Variants in KCTD3 observed in about 807,000 individuals in gnomAD.
KCTD3 encodes BTB/POZ domain-containing protein KCTD3.
KCTD3 carries 41 observed loss-of-function variants against 85.8 expected under a neutral mutation model. The observed-to-expected ratio is 0.48, with a 90% CI of 0.37 to 0.62. The LOEUF is 0.62. Among genes scored for constraint, KCTD3 ranks in the 20% least tolerant of loss-of-function variants. The pLI is 0.00. For missense variants in KCTD3, 724 were observed against 989.9 expected (o/e 0.73, Z 3.60); for synonymous variants, 338 against 345.4 (o/e 0.98, Z 0.24).
At chr1:215,614,656 TG>T (rs1655364022) in intron 15 of KCTD3, among the ~76,000 whole-genome samples, 1 of 152,332 alleles carries the variant, frequency 6.6e-6, no homozygotes, top group South Asian at 2.1e-4. Flanking sequence ...TACTGATTTT[TG>T]TACATTGATT....
chr1:215,582,283 AG>A (rs919143602), intron 8 of KCTD3, among the ~76,000 whole-genome samples: 1 of 152,108 alleles, frequency 6.6e-6, no homozygotes, highest in African/African-American at 2.4e-5. Flanking sequence ...TCTGTTTTTC[AG>A]TTCTCTCATT....
chr1:215,573,654 A>G (rs1405055818), intron 1 of KCTD3, 132 bp from the exon 2 acceptor site: 2 of 546,650 alleles, frequency 3.7e-6, no homozygotes, highest in Non-Finnish European at 6.6e-6. Flanking sequence ...ATTAACTGTA[A>G]TAAATATATT....
At chr1:215,576,445 C>T (rs1659587230) in intron 4 of KCTD3, among the ~76,000 whole-genome samples, 1 of 151,860 alleles carries the variant, frequency 6.6e-6, no homozygotes, top group Non-Finnish European at 1.5e-5. Context: ...GTGGTACACG[C>T]CTATAATCCC....
At chr1:215,585,650 CATT>C (rs1659979714) in intron 8 of KCTD3, among the ~76,000 whole-genome samples, 1 of 152,132 alleles carries the variant, frequency 6.6e-6, no homozygotes, top group South Asian at 2.1e-4. Flanking sequence ...TCAACTCATT[CATT>C]ATTATGATTA....
intron 14 of KCTD3, among the ~76,000 whole-genome samples, chr1:215,610,368 A>G (rs1411647945): frequency 6.6e-6 from 1 of 151,900 alleles, no homozygotes; most frequent in Non-Finnish European, 1.5e-5. Flanking sequence ...CATTAAAGTT[A>G]AGAAAGACCT....
intron 10 of KCTD3, among the ~76,000 whole-genome samples, chr1:215,596,881 C>T (rs1660433149): frequency 6.6e-6 from 1 of 152,078 alleles, no homozygotes; most frequent in Non-Finnish European, 1.5e-5. Flanking sequence ...TTTCCGGTCC[C>T]ATAAAAGTCA....
chr1:215,589,587 A>C (rs936800679), intron 9 of KCTD3, among the ~76,000 whole-genome samples: 1 of 152,228 alleles, frequency 6.6e-6, no homozygotes, highest in African/African-American at 2.4e-5. Context: ...AGATTCCCAG[A>C]AGGAAAGAAG....
intron 17 of KCTD3, among the ~76,000 whole-genome samples, 154 bp downstream of exon 17, chr1:215,619,445 A>G (rs1003333035): frequency 6.6e-6 from 1 of 152,202 alleles, no homozygotes; most frequent in Middle Eastern, 3.2e-3. Flanking sequence ...GTTTTACCAA[A>G]TTTCTTGATA....
intron 10 of KCTD3, among the ~76,000 whole-genome samples, chr1:215,601,010 T>C (rs1412760092): frequency 6.6e-6 from 1 of 151,860 alleles, no homozygotes; most frequent in Admixed American, 6.6e-5. Context: ...CAATCCCCGC[T>C]CACCGCAACC....
intron 1 of KCTD3, among the ~76,000 whole-genome samples, chr1:215,569,347 C>G (rs1325828931): frequency 2.0e-5 from 3 of 152,014 alleles, no homozygotes; most frequent in African/African-American, 2.4e-5. Context: ...TCTTGATCTC[C>G]TGACCTCGTG....
At chr1:215,577,956 C>T (rs1375276752) in intron 5 of KCTD3, 45 bp from the exon 6 acceptor site, 3 of 1,584,236 alleles carry the variant, frequency 1.9e-6, no homozygotes, top group African/African-American at 2.7e-5. Flanking sequence ...TACTGTTTTT[C>T]TGTTTGCATG....
chr1:215,578,852 A>T, intron 6 of KCTD3, 148 bp from the exon 7 acceptor site: 1 of 495,540 alleles, frequency 2.0e-6, no homozygotes, highest in Non-Finnish European at 3.5e-6. Context: ...TTTAATTGTA[A>T]TTAAATTATT....
intron 8 of KCTD3, among the ~76,000 whole-genome samples, chr1:215,580,492 C>T (rs1272268760): frequency 6.6e-6 from 1 of 151,662 alleles, no homozygotes; most frequent in African/African-American, 2.4e-5. Context: ...GTGAAACTTA[C>T]AAAGAAGTAG....
At chr1:215,618,517 C>T (rs1655540353) in intron 15 of KCTD3, 2 of 174,522 alleles carry the variant, frequency 1.1e-5, no homozygotes, top group Non-Finnish European at 2.4e-5. Context: ...TTCAGTTAGC[C>T]CTTACGTGAC....
intron 13 of KCTD3, among the ~76,000 whole-genome samples, chr1:215,606,141 A>G (rs1222565247): frequency 6.6e-6 from 1 of 151,990 alleles, no homozygotes; most frequent in Non-Finnish European, 1.5e-5. Context: ...TGGCTTTTCT[A>G]TTTCTTAAAA....
intron 1 of KCTD3, among the ~76,000 whole-genome samples, chr1:215,572,497 G>A (rs1659405007): frequency 6.6e-6 from 1 of 152,094 alleles, no homozygotes; most frequent in South Asian, 2.1e-4. Context: ...TATAAGCCTT[G>A]GTAGTCACAG....
chr1:215,608,059 G>A lies in KCTD3; in HGVS notation c.1352G>A (p.Arg451Gln). 6.2e-7 allele frequency: 1 copy of A among 1,611,910 alleles called. No individual in the cohort carries two copies. The highest frequency in any genetic ancestry group is 8.5e-7 in the Non-Finnish European group (1 of 1,178,614). ...CATGTCCGGACGTGGACAGTAACAC[G>A]ATTCAGAGGAATGATCTCTACTCAG... ...NNHVRTWTVT[R>Q]FRGMISTQPG... Residue 451 changes from arginine (R) to glutamine (Q), a missense_variant, in exon 14 of 18, where the codon CGA becomes CAA. By Grantham distance (43) the Arg-to-Gln change is conservative (BLOSUM62 1). Coordinates refer to ENST00000259154, the MANE Select transcript of KCTD3 (RefSeq NM_016121.5).
At chr1:215,618,351 A>G (rs148147361) in intron 15 of KCTD3, 8 of 180,290 alleles carry the variant, frequency 4.4e-5, no homozygotes, top group Admixed American at 5.9e-5. Context: ...TCTAAGCTTC[A>G]TATTCTATTC....
At chr1:215,612,236 A>G (rs1379498964) in intron 15 of KCTD3, among the ~76,000 whole-genome samples, 1 of 152,188 alleles carries the variant, frequency 6.6e-6, no homozygotes, top group African/African-American at 2.4e-5. Flanking sequence ...TATCTTTAAA[A>G]AACCTGGAAC....
Sources: gnomAD v4.1 joint callset for allele counts (sites outside exome capture counted in the v4.1 genomes callset) on GRCh38, gnomAD v4.1.1 for gene constraint, MANE v1.5 for transcripts, NCBI Gene and HGNC (gene_info 2026-07-23, HGNC 2026-07-21) for gene names.